The following HTRA3 variants were observed in gnomAD, a reference collection of about 807,000 sequenced individuals.
HTRA3 encodes the protein HtrA serine peptidase 3.
A neutral mutation model predicts 43.2 loss-of-function variants in HTRA3; 41 were observed. The observed-to-expected ratio is 0.95, with a 90% CI of 0.74 to 1.23. HTRA3 has a LOEUF of 1.23. HTRA3 is among the 50% of genes most tolerant of loss of function. The pLI, the probability that HTRA3 is intolerant of heterozygous loss-of-function variation, is 0.00. For missense variants in HTRA3, 628 were observed against 647.1 expected, an observed-to-expected ratio of 0.97 and a Z score of 0.32; for synonymous variants, 295 against 287.9, an observed-to-expected ratio of 1.02 and a Z score of -0.25.
intron 5 of HTRA3, 32 bp downstream of exon 5, chr4:8,292,385 G>A (rs1164917298): frequency 1.3e-6 from 2 of 1,599,248 alleles, no homozygotes; most frequent in East Asian, 2.2e-5. Context: ...AATCTCTCAG[G>A]TTTCTGGGGT....
intron 7 of HTRA3, among the ~76,000 whole-genome samples, chr4:8,303,639 C>G (rs781460886): frequency 2.0e-5 from 3 of 152,228 alleles, no homozygotes; most frequent in Non-Finnish European, 4.4e-5. Flanking sequence ...AAAAAATTAT[C>G]AATGTCCAGT....
chr4:8,302,376 G>A (rs1713683532), intron 6 of HTRA3, 87 bp from the exon 7 acceptor site: 1 of 1,248,746 alleles, frequency 8.0e-7, no homozygotes, highest in Admixed American at 1.7e-5. Context: ...TCCTGCAGGG[G>A]AACTTCTGTC....
At position 8,306,284 on chromosome 4, in the gene HTRA3, G is replaced by A. The variant is rs1713847690; in HGVS notation, c.*148G>A. ...CCGGGGCAGAGCGGAGGCTGGGCTT[G>A]GCCAGGGGCCCGAATTTCCGCCTGG... On this transcript the variant is annotated 3_prime_UTR_variant, in exon 9 of 9. Coordinates refer to ENST00000307358, the MANE Select transcript of HTRA3 (RefSeq NM_053044.5). The surrounding 1 kb of genome is among the most constrained non-coding windows in gnomAD (Gnocchi z 8.9). 6 of 841,330 alleles carry A rather than the reference G, an allele frequency of 7.1e-6. No individual in the cohort carries two copies. Among genetic ancestry groups the A allele is most frequent in the South Asian group, 2.0e-5 (1 of 49,814 alleles). The allele number at this position is 841,330 out of a possible 1,614,324, so 52.1% of individuals were successfully genotyped here. A position where few individuals can be genotyped will look rare whatever the true frequency, so the allele number is the denominator to read the frequency against.
At chr4:8,303,598 C>G (rs986551872) in intron 7 of HTRA3, among the ~76,000 whole-genome samples, 2 of 152,228 alleles carry the variant, frequency 1.3e-5, no homozygotes, top group Non-Finnish European at 2.9e-5. Context: ...TCCTGTTTCA[C>G]CAACTCTGCT....
intron 1 of HTRA3, among the ~76,000 whole-genome samples, chr4:8,281,820 G>A (rs1311757656): frequency 6.6e-6 from 1 of 152,242 alleles, no homozygotes; most frequent in African/African-American, 2.4e-5. Context: ...AGCAAGTCGG[G>A]CTGGGGTGTG....
At chr4:8,305,559 C>T (rs1273161498) in intron 8 of HTRA3, among the ~76,000 whole-genome samples, 2 of 152,370 alleles carry the variant, frequency 1.3e-5, no homozygotes, top group Non-Finnish European at 2.9e-5. Context: ...AGAGAGAAGG[C>T]TGGCCCCGTG....
rs1578808554 is a variant in HTRA3, at chr4:8,302,465, T to A, written c.1054T>A (p.Trp352Arg). 1 of 1,614,048 alleles carries A rather than the reference T, an allele frequency of 6.2e-7. No individual in the cohort carries two copies. Among genetic ancestry groups the A allele is most frequent in the Non-Finnish European group, 8.5e-7 (1 of 1,179,982 alleles). ...TEFQDKQIKD[W>R]KKRFIGIRMR... ...GTCTCGCCGTGTTTCATTTCCAGAC[T>A]GGAAGAAGCGCTTCATCGGCATACG... The change falls in exon 7 of 9, where the codon TGG (tryptophan) becomes AGG (arginine). Residue 352 changes from tryptophan to arginine, a missense_variant and splice_region_variant. Coordinates refer to ENST00000307358, the MANE Select transcript of HTRA3 (RefSeq NM_053044.5).
intron 3 of HTRA3, among the ~76,000 whole-genome samples, chr4:8,289,643 C>T (rs1214409281): frequency 2.6e-5 from 4 of 152,218 alleles, no homozygotes; most frequent in Admixed American, 6.5e-5. Context: ...CCCTGGTCAG[C>T]ACCCATGGCC....
At chr4:8,301,093 TTTA>T (rs566612797) in intron 6 of HTRA3, among the ~76,000 whole-genome samples, 1 of 152,078 alleles carries the variant, frequency 6.6e-6, no homozygotes, top group East Asian at 1.9e-4. Flanking sequence ...CACACCCATC[TTTA>T]TTATTGATTC....
At chr4:8,282,905 T>C (rs1235772831) in intron 2 of HTRA3, among the ~76,000 whole-genome samples, 1 of 151,938 alleles carries the variant, frequency 6.6e-6, no homozygotes, top group African/African-American at 2.4e-5. Flanking sequence ...ACAGCAGGTG[T>C]GTGTGCAAGG....
Position 8,304,188 on chromosome 4 carries a change from G to C in HTRA3, c.1105G>C (p.Val369Leu), listed in dbSNP as rs1254457410. Residue 369 changes from valine to leucine, a missense_variant, in exon 8 of 9, where the codon GTG becomes CTG. Physicochemically the swap from Val to Leu is conservative, Grantham distance 32. Coordinates refer to ENST00000307358, the MANE Select transcript of HTRA3 (RefSeq NM_053044.5). ...TTGACGGCAGACTCTTTCCAGCCTG[G>C]TGGATGAGCTGAAGGCCAGCAACCC... ...IRMRTITPSL[V>L]DELKASNPDF... The C allele has an allele frequency of 5.0e-6, 8 of 1,613,918 alleles. No individual in the cohort carries two copies. Among genetic ancestry groups the C allele is most frequent in the Middle Eastern group, 1.6e-4 (1 of 6,084 alleles).
rs1315834077 is a variant in HTRA3, at chr4:8,297,730, A to AT, written c.1051+3530dup. On this transcript the variant is annotated intron_variant, in intron 6 of 8. Transcript: ENST00000307358. The surrounding 1 kb of genome is among the most constrained non-coding windows in gnomAD (Gnocchi z 5.8). ...GTGGGCTGTGCAGGTCCTGTCGAGG[A>AT]TCCCACCCCCTGGATTTAGAAGCCA... Among the ~76,000 whole-genome samples the AT allele has an allele frequency of 6.6e-6, 1 of 152,024 alleles. No homozygotes were observed. The highest frequency in any genetic ancestry group is 6.5e-5 in the Admixed American group (1 of 15,284).
At position 8,286,523 on chromosome 4, in the gene HTRA3, C is replaced by T. The variant is rs755958650; in HGVS notation, c.486-38C>T. On this transcript the variant is annotated intron_variant, in intron 2 of 8. Transcript: ENST00000307358. This position sits in a 1 kb window ranked among gnomAD's most constrained non-coding sequence, Gnocchi z 4.9. ...GCGCCTGACTCCCCCGCGTCCTAGC[C>T]CCACCCTAAATGCCCGCCTGTGTCT... 6 of 1,586,542 alleles carry T rather than the reference C, an allele frequency of 3.8e-6. No individual in the cohort carries two copies. In the African/African-American group the frequency reaches 8.1e-5, roughly 21 times the overall value.
chr4:8,275,144 A>G (rs1286385728), intron 1 of HTRA3, among the ~76,000 whole-genome samples: 1 of 152,232 alleles, frequency 6.6e-6, no homozygotes. Flanking sequence ...CAAGGCTGCC[A>G]GGAGCCAGGA....
In HTRA3 at chr4:8,296,590, C is replaced by T. The variant is rs1257175322; in HGVS notation, c.1051+2389C>T. Reference sequence around the variant, plus strand: ...GGTGCAGAGGCCTCTGAGGGGCTTTCAGGGTAAAGAGTGGCCACCATGCAT... The same window carrying T: ...GGTGCAGAGGCCTCTGAGGGGCTTTTAGGGTAAAGAGTGGCCACCATGCAT... On this transcript the variant is annotated intron_variant, in intron 6 of 8. Coordinates refer to ENST00000307358, the MANE Select transcript of HTRA3 (RefSeq NM_053044.5). This position sits in a 1 kb window ranked among gnomAD's most constrained non-coding sequence, Gnocchi z 5.3. 4 of 939,630 alleles carry T rather than the reference C, an allele frequency of 4.3e-6. No homozygotes were observed. The Admixed American group carries it at 1.9e-4, about 43-fold the overall frequency. 58.2% of individuals were successfully genotyped at this position (939,630 alleles called of 1,614,324 possible). A position where few individuals can be genotyped will look rare whatever the true frequency, so the allele number is the denominator to read the frequency against.
rs1712179785 is a variant in HTRA3 at position 8,269,999 on chromosome 4, T to TTGGCCGCGCTGGCGC, written c.37_51dup (p.Ala13_Ala17dup). On this transcript the variant is annotated inframe_insertion, in exon 1 of 9. Coordinates refer to ENST00000307358, the MANE Select transcript of HTRA3 (RefSeq NM_053044.5). ...GGCGCGAGCGCTGCTCCTGGCCGCG[T>TTGGCCGCGCTGGCGC]TGGCCGCGCTGGCGCTGGCCCGGGA... 1 of 1,259,080 alleles carries TTGGCCGCGCTGGCGC rather than the reference T, an allele frequency of 7.9e-7. No individual in the cohort carries two copies. The highest frequency in any genetic ancestry group is 3.3e-5 in the East Asian group (1 of 29,958). 78.0% of individuals were successfully genotyped at this position (1,259,080 alleles called of 1,614,324 possible).
intron 3 of HTRA3, among the ~76,000 whole-genome samples, chr4:8,289,282 T>C (rs1034863482): frequency 6.6e-6 from 1 of 152,156 alleles, no homozygotes; most frequent in African/African-American, 2.4e-5. Context: ...ATGGTAAATA[T>C]TTTATCTTTG....
chr4:8,291,600 A>G (rs748103267), intron 4 of HTRA3, 36 bp downstream of exon 4: 3 of 1,464,294 alleles, frequency 2.0e-6, no homozygotes, highest in South Asian at 1.3e-5. Flanking sequence ...GGCACCTGCC[A>G]TCTGTGCCCA....
At chr4:8,274,906 G>C (rs115802054) in intron 1 of HTRA3, among the ~76,000 whole-genome samples, 1,980 of 152,254 alleles carry the variant, frequency 0.013, 45 homozygotes, top group African/African-American at 0.041. Context: ...GGCATCTCCC[G>C]GTTGTATTTA....
Sources: gnomAD v4.1 joint callset for allele counts (sites outside exome capture counted in the v4.1 genomes callset) on GRCh38, gnomAD v4.1.1 for gene constraint, Gnocchi (gnomAD v3.1) non-coding constraint, MANE v1.5 for transcripts, NCBI Gene and HGNC (gene_info 2026-07-23, HGNC 2026-07-21) for gene names.